The following CRYBB2 variants were observed in gnomAD, a reference collection of about 807,000 sequenced individuals.
The protein encoded by CRYBB2 is beta-crystallin B2.
Under a neutral mutation model 24.3 loss-of-function variants are expected in CRYBB2, and 12 were observed. The observed-to-expected ratio is 0.49, with a 90% CI of 0.32 to 0.80. The LOEUF (loss-of-function observed/expected upper bound fraction) is 0.80. CRYBB2 is among the 30% of genes least tolerant of loss of function. The pLI, the probability that CRYBB2 is intolerant of heterozygous loss-of-function variation, is 0.04. For missense variants in CRYBB2, 198 were observed against 268.5 expected (o/e 0.74, Z 1.83); for synonymous variants, 98 against 101.6 (o/e 0.96, Z 0.21).
Position 25,231,862 on chromosome 22 carries a change from G to C in CRYBB2, c.*90G>C, listed in dbSNP as rs1023375912. 1 of 1,211,052 alleles carries C rather than the reference G, an allele frequency of 8.3e-7. No homozygotes were observed. The highest frequency in any genetic ancestry group is 1.2e-6 in the Non-Finnish European group (1 of 819,878). The allele number at this position is 1,211,052 out of a possible 1,614,324, so 75.0% of individuals were successfully genotyped here. A position where few individuals can be genotyped will look rare whatever the true frequency, so the allele number is the denominator to read the frequency against. On this transcript the variant is annotated 3_prime_UTR_variant, in exon 6 of 6. Coordinates refer to ENST00000398215, the MANE Select transcript of CRYBB2 (RefSeq NM_000496.3). The stretch of plus-strand genomic sequence containing the variant: ...CCAGAGAGTGAATAAAGTGTGACTT[G>C]CAACTTGTCTGCTGTGGGTCTTTGA...
chr22:25,229,128 C>T lies in CRYBB2; in HGVS notation c.307-308C>T, dbSNP rs562379507. Among the ~76,000 whole-genome samples the T allele has an allele frequency of 1.4e-4, 21 of 152,152 alleles. No individual in the cohort carries two copies. The South Asian group carries it at 3.1e-3, about 23-fold the overall frequency. On this transcript the variant is annotated intron_variant, in intron 4 of 5. Transcript: ENST00000398215. ...GTGTGTGTGCATGTGTGGGTGTTCACATGTGGGTGGGTAGGTATATCGTAG... is the reference window on the plus strand; with the variant it reads ...GTGTGTGTGCATGTGTGGGTGTTCATATGTGGGTGGGTAGGTATATCGTAG...
At chr22:25,216,907 A>C (rs1250449007), upstream of CRYBB2, among the ~76,000 whole-genome samples, 1 of 152,166 alleles carries the variant, frequency 6.6e-6, no homozygotes, top group Non-Finnish European at 1.5e-5. Flanking sequence ...GGTTTATTTC[A>C]CTTTGCATAA....
chr22:25,221,564 T>C, intron 2 of CRYBB2, 81 bp downstream of exon 2: 1 of 1,061,300 alleles, frequency 9.4e-7, no homozygotes, highest in Non-Finnish European at 1.5e-6. Flanking sequence ...GCTTGGCATC[T>C]TTCTTCATGG....
At chr22:25,218,305 C>T (rs1935214238), upstream of CRYBB2, among the ~76,000 whole-genome samples, 1 of 150,240 alleles carries the variant, frequency 6.7e-6, no homozygotes, top group Non-Finnish European at 1.5e-5. Flanking sequence ...GCTGGGCACC[C>T]ATGTGGCAGC....
chr22:25,212,973 A>G (rs1418831728), intron 1 of CRYBB2: 2 of 152,278 alleles, frequency 1.3e-5, no homozygotes, highest in Non-Finnish European at 2.9e-5. Flanking sequence ...TATGCATTGT[A>G]AATAGGAATA....
chr22:25,218,215 T>G (rs6004489), upstream of CRYBB2, among the ~76,000 whole-genome samples: 1 of 148,960 alleles, frequency 6.7e-6, no homozygotes, highest in South Asian at 2.1e-4. Context: ...GCTGAGATCG[T>G]GCCACTGCAC....
chr22:25,218,119 C>T (rs542959186), upstream of CRYBB2, among the ~76,000 whole-genome samples: 5 of 150,860 alleles, frequency 3.3e-5, no homozygotes, highest in South Asian at 2.2e-4. Flanking sequence ...ATTAGCCGGG[C>T]GTGTTGGCGG....
intron 3 of CRYBB2, among the ~76,000 whole-genome samples, chr22:25,225,391 G>A (rs9306413): frequency 0.22 from 33,279 of 152,034 alleles, 3,824 homozygotes; most frequent in Non-Finnish European, 0.26. Context: ...CATAGTGACT[G>A]ATGAAGCTTT....
intron 1 of CRYBB2, chr22:25,212,951 CCTGT>C (rs899262097): frequency 1.3e-5 from 2 of 152,180 alleles, no homozygotes; most frequent in Non-Finnish European, 2.9e-5. Context: ...ATATTAGCTT[CCTGT>C]CTAAGTGTAT....
upstream of CRYBB2, among the ~76,000 whole-genome samples, chr22:25,218,797 A>AGAAC (rs1935258087): frequency 8.7e-6 from 1 of 115,580 alleles, no homozygotes; most frequent in East Asian, 3.1e-4. Flanking sequence ...AAAGAAAGAA[A>AGAAC]GAAAGAAAGA....
At chr22:25,219,078 C>T (rs909579175), upstream of CRYBB2, among the ~76,000 whole-genome samples, 4 of 152,110 alleles carry the variant, frequency 2.6e-5, no homozygotes, top group African/African-American at 9.7e-5. Context: ...ACTGTCCCCC[C>T]ACCCTGTTCC....
At position 25,231,690 on chromosome 22, in the gene CRYBB2, C is replaced by T. The variant is rs1023262728; in HGVS notation, c.536C>T (p.Ala179Val). 1.2e-6 allele frequency: 2 copies of T among 1,614,102 alleles called. No individual in the cohort carries two copies. The highest frequency in any genetic ancestry group is 1.7e-6 in the Non-Finnish European group (2 of 1,180,004). ...GDYKDSSDFG[A>V]PHPQVQSVRR... ...TACAAGGACAGCAGCGACTTTGGGG[C>T]CCCTCACCCCCAGGTGCAGTCCGTG... The change falls in exon 6 of 6, where the codon GCC (alanine) becomes GTC (valine). Residue 179 changes from alanine (A) to valine (V), a missense_variant. Transcript: ENST00000398215.
At chr22:25,218,779 GAAGAAAGAAAGAAAGAAAGAAAGAA>G (rs1935252020), upstream of CRYBB2, among the ~76,000 whole-genome samples, 2 of 34,530 alleles carry the variant, frequency 5.8e-5, no homozygotes, top group South Asian at 1.2e-3. Context: ...GAGAGAGAGA[GAAGAAAGAAAGAAAGAAAGAAAGAA>G]AGAAAGAAAG....
chr22:25,212,123 C>T (rs573498435), upstream of CRYBB2, among the ~76,000 whole-genome samples: 23 of 152,352 alleles, frequency 1.5e-4, no homozygotes, highest in Admixed American at 5.2e-4. Context: ...TGTTCATCAT[C>T]CTCTTCTCTT....
At chr22:25,222,595 G>T (rs5752083) in intron 2 of CRYBB2, among the ~76,000 whole-genome samples, 44,285 of 152,018 alleles carry the variant, frequency 0.29, 8,069 homozygotes, top group East Asian at 0.74. Flanking sequence ...AAAAATGGGG[G>T]TCAGGGTTGA....
upstream of CRYBB2, among the ~76,000 whole-genome samples, chr22:25,218,761 GAGAGAGAGAGAGAGAGAGAAGAAAGA>G (rs1569016065): frequency 4.9e-5 from 2 of 40,990 alleles, no homozygotes; most frequent in East Asian, 1.0e-3. Context: ...GAGAGAGAGA[GAGAGAGAGAGAGAGAGAGAAGAAAGA>G]AAGAAAGAAA....
upstream of CRYBB2, among the ~76,000 whole-genome samples, chr22:25,218,836 A>AAGAAAGAAAGAAAGAAAGAAAGAG (rs1569016534): frequency 2.1e-5 from 2 of 96,792 alleles, no homozygotes; most frequent in Non-Finnish European, 4.1e-5. Flanking sequence ...GAAAGAAAGA[A>AAGAAAGAAAGAAAGAAAGAAAGAG]AGAGAAAGAA....
rs1018293238 is a variant in CRYBB2 at position 25,226,168 on chromosome 22, C to CTCTGTGTG, written c.173+1133_173+1134insCTGTGTGT. 9.4e-4 allele frequency among the ~76,000 whole-genome samples: 140 copies of CTCTGTGTG among 149,156 alleles called. 1 individual carries two copies. The Middle Eastern group carries it at 0.014, about 15-fold the overall frequency. The stretch of plus-strand genomic sequence containing the variant: ...GATTTTGGTATGAATTTGGATTTCT[C>CTCTGTGTG]TGTGTGTGTGTGTGTGTGTGTGTGT... On this transcript the variant is annotated intron_variant, in intron 3 of 5. Transcript: ENST00000398215.
chr22:25,228,063 G>A, intron 4 of CRYBB2, 78 bp downstream of exon 4: 2 of 1,605,166 alleles, frequency 1.2e-6, no homozygotes, highest in South Asian at 2.2e-5. Context: ...TGGAGCTGGA[G>A]GTCTGGGGAC....
Sources: allele counts gnomAD v4.1 joint callset (sites outside exome capture counted in the v4.1 genomes callset), GRCh38; gene constraint gnomAD v4.1.1; transcripts MANE v1.5; gene names NCBI Gene and HGNC (gene_info 2026-07-23, HGNC 2026-07-21).